NLE1: variants seen among roughly 807,000 people sequenced by gnomAD.
NLE1 encodes notchless protein homolog 1.
In NLE1, 37 loss-of-function variants were observed where a neutral mutation model predicts 62.8. The ratio of observed to expected loss-of-function variants is 0.59; its 90% CI spans 0.45 to 0.78. The LOEUF (loss-of-function observed/expected upper bound fraction) is 0.78, where lower values mean the gene tolerates loss of function less well. Ranked by LOEUF, NLE1 falls within the 30% of genes least tolerant of loss-of-function variation. The probability of loss-of-function intolerance (pLI) is 0.00; values close to 1 mark genes in which losing one functional copy is unlikely to be tolerated. For missense variants in NLE1, 555 were observed against 637.9 expected (o/e 0.87, Z 1.40); for synonymous variants, 243 against 253.0 (o/e 0.96, Z 0.37).
chr17:35,141,863 TG>T, intron 2 of NLE1, 115 bp downstream of exon 2: 1 of 1,192,380 alleles, frequency 8.4e-7, no homozygotes, highest in Non-Finnish European at 1.2e-6. Context: ...TCACGCCAGG[TG>T]GGTCACCACA....
chr17:35,135,190 G>T (rs2091900801), intron 10 of NLE1, 59 bp downstream of exon 10: 4 of 1,545,016 alleles, frequency 2.6e-6, no homozygotes, highest in Admixed American at 1.7e-5. Flanking sequence ...GTAAGTGGCA[G>T]TGCCAAGCCC....
At position 35,135,146 on chromosome 17, in the gene NLE1, G is replaced by A. The variant is rs577753786; in HGVS notation, c.1214+103C>T. On this transcript the variant is annotated intron_variant, in intron 10 of 12. Transcript: ENST00000442241. ...TTACCAAAGAGGAAACAGTGGCTTAGAAAATCCAAACACCTGCCAAGGCCA... is the reference window on the plus strand; with the variant it reads ...TTACCAAAGAGGAAACAGTGGCTTAAAAAATCCAAACACCTGCCAAGGCCA... 6 of 1,097,270 alleles carry A rather than the reference G, an allele frequency of 5.5e-6. No homozygotes were observed. In the African/African-American group the frequency reaches 7.7e-5, roughly 14 times the overall value. The allele number at this position is 1,097,270 out of a possible 1,614,324, so 68.0% of individuals were successfully genotyped here.
At chr17:35,136,737 G>A (rs192232829) in intron 7 of NLE1, among the ~76,000 whole-genome samples, 71 of 152,238 alleles carry the variant, frequency 4.7e-4, no homozygotes, top group African/African-American at 1.4e-3. Flanking sequence ...CAATACATTT[G>A]GGATATGGTA....
At chr17:35,137,494 G>A in intron 6 of NLE1, 49 bp downstream of exon 6, 2 of 1,444,804 alleles carry the variant, frequency 1.4e-6, no homozygotes, top group Non-Finnish European at 9.6e-7. Flanking sequence ...GAAAGGGGAT[G>A]GCTTTGATCC....
chr17:35,132,719 G>A (rs1406095836), intron 12 of NLE1, among the ~76,000 whole-genome samples: 1 of 152,156 alleles, frequency 6.6e-6, no homozygotes, highest in African/African-American at 2.4e-5. Context: ...GTCTTCCAGA[G>A]TGTTGACCCT....
intron 10 of NLE1, chr17:35,134,987 G>A (rs1161085156): frequency 5.4e-6 from 3 of 554,674 alleles, no homozygotes; most frequent in Non-Finnish European, 1.0e-5. Flanking sequence ...AGGAAGCAGA[G>A]GTTGTAATGA....
chr17:35,128,746 G>C lies in NLE1; in HGVS notation c.*3691C>G, dbSNP rs2091859405. 1 of 153,772 alleles carries C rather than the reference G, an allele frequency of 6.5e-6. No homozygotes were observed. The highest frequency in any genetic ancestry group is 2.4e-5 in the African/African-American group (1 of 41,452). 9.5% of individuals were successfully genotyped at this position (153,772 alleles called of 1,614,324 possible). A position where few individuals can be genotyped will look rare whatever the true frequency, so the allele number is the denominator to read the frequency against. ...GGGGGATGGTTTCAGGATGAGTCAAGCATATTACATTTATTGTGTACTTTA... is the reference window on the plus strand; with the variant it reads ...GGGGGATGGTTTCAGGATGAGTCAACCATATTACATTTATTGTGTACTTTA... On this transcript the variant is annotated 3_prime_UTR_variant, in exon 13 of 13. Coordinates refer to ENST00000442241, the MANE Select transcript of NLE1 (RefSeq NM_018096.5).
At position 35,130,270 on chromosome 17, in the gene NLE1, G is replaced by T. The variant is rs1176344398; in HGVS notation, c.*2167C>A. The T allele has an allele frequency of 5.0e-6, 8 of 1,612,686 alleles. No individual in the cohort carries two copies. Among genetic ancestry groups the T allele is most frequent in the Non-Finnish European group, 6.8e-6 (8 of 1,179,298 alleles). ...GGAAGGAACTCTGAAGGGTTTTCTT[G>T]TTTCACTTCAGTTTGCAACCCTGGC... On this transcript the variant is annotated 3_prime_UTR_variant, in exon 13 of 13. Coordinates refer to ENST00000442241, the MANE Select transcript of NLE1 (RefSeq NM_018096.5).
rs2091864331 is a variant in NLE1 at position 35,129,632 on chromosome 17, G to A, written c.*2805C>T. ...TGTCCGTGCAGCCAACACAGCTGGGGTGGGGAAGTGGTGCAAGCCCTACAA... is the reference window on the plus strand; with the variant it reads ...TGTCCGTGCAGCCAACACAGCTGGGATGGGGAAGTGGTGCAAGCCCTACAA... On this transcript the variant is annotated 3_prime_UTR_variant, in exon 13 of 13. Transcript: ENST00000442241. 6.2e-7 allele frequency: 1 copy of A among 1,614,074 alleles called. No homozygotes were observed. The highest frequency in any genetic ancestry group is 1.3e-5 in the African/African-American group (1 of 75,026).
intron 4 of NLE1, 42 bp downstream of exon 4, chr17:35,139,193 A>G: frequency 2.2e-6 from 3 of 1,357,322 alleles, no homozygotes; most frequent in Non-Finnish European, 3.1e-6. Flanking sequence ...ACCTTGTCTC[A>G]AAAAAAAAGA....
rs113578546 is a variant in NLE1, at chr17:35,133,162, C to T, written c.1445+9G>A. 6.2e-6 allele frequency: 10 copies of T among 1,613,890 alleles called. No homozygotes were observed. The highest frequency in any genetic ancestry group is 2.7e-5 in the African/African-American group (2 of 75,056). On this transcript the variant is annotated intron_variant, in intron 12 of 12. Coordinates refer to ENST00000442241, the MANE Select transcript of NLE1 (RefSeq NM_018096.5). ...TGTGTATGCCAACCACCACTTCCCC[C>T]ACACTCACATCCGGAGGCATTTGTC...
At position 35,130,023 on chromosome 17, in the gene NLE1, C is replaced by T; in HGVS notation, c.*2414G>A. Reference sequence around the variant, plus strand: ...GGCTAAAGGGGGACGAAGAAGGGAACAGCCTGGGTATGGGGTAGGGGTATG... The same window carrying T: ...GGCTAAAGGGGGACGAAGAAGGGAATAGCCTGGGTATGGGGTAGGGGTATG... On this transcript the variant is annotated 3_prime_UTR_variant, in exon 13 of 13. Transcript: ENST00000442241. 1.4e-6 allele frequency: 2 copies of T among 1,387,310 alleles called. No homozygotes were observed. The highest frequency in any genetic ancestry group is 1.7e-5 in the South Asian group (1 of 59,396). The allele number at this position is 1,387,310 out of a possible 1,614,324, so 85.9% of individuals were successfully genotyped here.
intron 3 of NLE1, among the ~76,000 whole-genome samples, chr17:35,139,599 T>C (rs1384104086): frequency 6.6e-6 from 1 of 152,238 alleles, no homozygotes. Flanking sequence ...AAGTGATTTA[T>C]ACAAGTCACA....
In NLE1 at chr17:35,130,529, C is replaced by T. The variant is rs1384488159; in HGVS notation, c.*1908G>A. On this transcript the variant is annotated 3_prime_UTR_variant, in exon 13 of 13. Coordinates refer to ENST00000442241, the MANE Select transcript of NLE1 (RefSeq NM_018096.5). ...TGAGACCTACCATACCACCAGCACC[C>T]TGCGGGCCCGGGGTCTGGCAGAGTG... 18 of 1,351,364 alleles carry T rather than the reference C, an allele frequency of 1.3e-5. No homozygotes were observed. Among genetic ancestry groups the T allele is most frequent in the Non-Finnish European group, 1.7e-5 (17 of 988,422 alleles). The allele number at this position is 1,351,364 out of a possible 1,614,324, so 83.7% of individuals were successfully genotyped here.
At position 35,139,831 on chromosome 17, in the gene NLE1, G is replaced by T; in HGVS notation, c.380+18C>A. The T allele has an allele frequency of 6.2e-7, 1 of 1,608,488 alleles. No individual in the cohort carries two copies. The highest frequency in any genetic ancestry group is 8.5e-7 in the Non-Finnish European group (1 of 1,179,708). Reference sequence around the variant, plus strand: ...GCACCCCCACATACCCCCTCCATGAGTCTGCAGCTGTCCTTACTTTCCCGT... The same window carrying T: ...GCACCCCCACATACCCCCTCCATGATTCTGCAGCTGTCCTTACTTTCCCGT... On this transcript the variant is annotated intron_variant, in intron 3 of 12. Transcript: ENST00000442241.
At chr17:35,133,920 C>T (rs2091892624) in intron 10 of NLE1, among the ~76,000 whole-genome samples, 1 of 152,162 alleles carries the variant, frequency 6.6e-6, no homozygotes, top group African/African-American at 2.4e-5. Flanking sequence ...CATCAGGCCT[C>T]TCTGAGACTC....
rs1293557368 is a variant in NLE1 at position 35,137,637 on chromosome 17, G to T, written c.541C>A (p.Leu181Ile). 3 of 1,609,138 alleles carry T rather than the reference G, an allele frequency of 1.9e-6. No homozygotes were observed. The change falls in exon 6 of 13, where the codon CTC (leucine) becomes ATC (isoleucine). Residue 181 changes from leucine to isoleucine, a missense_variant. Transcript: ENST00000442241. ...TTCCCTGTGCTTGGGTCCCAGAGGA[G>T]AATCTGAAGGACAGAAGCTCACTGA... ...LASGCKNGQI[L>I]LWDPSTGKQV...
At chr17:35,138,616 G>A (rs1429576593) in intron 4 of NLE1, among the ~76,000 whole-genome samples, 2 of 152,100 alleles carry the variant, frequency 1.3e-5, no homozygotes, top group Non-Finnish European at 2.9e-5. Flanking sequence ...GCTAATTTTT[G>A]TAGTTTTAGT....
At chr17:35,137,396 G>T in intron 6 of NLE1, 147 bp downstream of exon 6, 1 of 819,418 alleles carries the variant, frequency 1.2e-6, no homozygotes, top group South Asian at 1.7e-5. Flanking sequence ...GTCTGCCCGA[G>T]ACCCTTCTCC....
Sources: gnomAD v4.1 joint callset for allele counts (sites outside exome capture counted in the v4.1 genomes callset) on GRCh38, gnomAD v4.1.1 for gene constraint, MANE v1.5 for transcripts, NCBI Gene and HGNC (gene_info 2026-07-23, HGNC 2026-07-21) for gene names.